Variants in TULP4 observed in about 807,000 individuals in gnomAD.
TULP4 encodes the protein TUB like protein 4.
TULP4 carries 16 observed loss-of-function variants against 129.0 expected under a neutral mutation model. The observed-to-expected ratio is 0.12, with a 90% CI of 0.08 to 0.19. The LOEUF (loss-of-function observed/expected upper bound fraction) is 0.19, where lower values mean the gene tolerates loss of function less well. Ranked by LOEUF, TULP4 falls within the 10% of genes least tolerant of loss-of-function variation. The pLI, the probability that TULP4 is intolerant of heterozygous loss-of-function variation, is 1.00. For missense variants in TULP4, 1,842 were observed against 2,059.1 expected, an observed-to-expected ratio of 0.89 and a Z score of 2.04; for synonymous variants, 998 against 854.0, an observed-to-expected ratio of 1.17 and a Z score of -2.94.
In TULP4 at chr6:158,509,966, A is replaced by T. The variant is rs1188258927; in HGVS notation, c.*3272A>T. On this transcript the variant is annotated 3_prime_UTR_variant, in exon 14 of 14. Transcript: ENST00000367097. ...TTTAATGTTTATTAATAGTTTATGA[A>T]TATCAAGATACCTCATTGAATCCCT... is the stretch of plus-strand genomic sequence containing the variant. The T allele has an allele frequency of 6.6e-6, 1 of 152,298 alleles. No homozygotes were observed. The highest frequency in any genetic ancestry group is 1.5e-5 in the Non-Finnish European group (1 of 68,042). The allele number at this position is 152,298 out of a possible 1,614,324, so 9.4% of individuals were successfully genotyped here.
In TULP4 at chr6:158,503,763, A is replaced by G; in HGVS notation, c.4100A>G (p.Asp1367Gly). 2 of 1,614,138 alleles carry G rather than the reference A, an allele frequency of 1.2e-6. No homozygotes were observed. The highest frequency in any genetic ancestry group is 1.7e-6 in the Non-Finnish European group (2 of 1,180,036). ...AAGAAGGAGGCTAGGACTTTGAGTG[A>G]CTTTAATTCCCTAATCTCCAGCCCA... ...KVKKEARTLS[D>G]FNSLISSPHL... is the part of the protein sequence containing the mutation. The change falls in exon 13 of 14, where the codon GAC becomes GGC. Residue 1367 changes from aspartate (D) to glycine (G), a missense_variant. Around this residue, in one of 5 missense-constraint regions of TULP4, gnomAD observed 1,089 missense variants for 987.1 expected, o/e 1.10. Coordinates refer to ENST00000367097, the MANE Select transcript of TULP4 (RefSeq NM_020245.5). The surrounding 1 kb of genome is among the most constrained non-coding windows in gnomAD (Gnocchi z 4.3).
At chr6:158,407,114 T>C (rs1400042530) in intron 1 of TULP4, among the ~76,000 whole-genome samples, 1 of 152,372 alleles carries the variant, frequency 6.6e-6, no homozygotes, top group South Asian at 2.1e-4. Context: ...AATTTGGCTA[T>C]CTGAAAGTAA....
intron 1 of TULP4, among the ~76,000 whole-genome samples, chr6:158,377,885 T>G (rs1404196101): frequency 6.6e-6 from 1 of 152,234 alleles, no homozygotes; most frequent in East Asian, 1.9e-4. Flanking sequence ...AACTGTTTAT[T>G]TAGCTCAGGA....
At position 158,511,161 on chromosome 6, in the gene TULP4, T is replaced by G. The variant is rs1232064129; in HGVS notation, c.*4467T>G. On this transcript the variant is annotated 3_prime_UTR_variant, in exon 14 of 14. Transcript: ENST00000367097. ...CTTTACTTGTACCTATATTTTCTGT[T>G]TACAGTTCTTTTTAAGGGGAGGGGT... 1 of 152,672 alleles carries G rather than the reference T, an allele frequency of 6.5e-6. No individual in the cohort carries two copies. Among genetic ancestry groups the G allele is most frequent in the African/African-American group, 2.4e-5 (1 of 41,470 alleles). 9.5% of individuals were successfully genotyped at this position (152,672 alleles called of 1,614,324 possible).
Position 158,504,045 on chromosome 6 carries a change from A to C in TULP4, c.4382A>C (p.Gln1461Pro). ...AAGGAGGACGGGCGGCTGGGCAGCCAAGGCTTCGTGTACGTGATGGCCAAC... is the reference window on the plus strand; with the variant it reads ...AAGGAGGACGGGCGGCTGGGCAGCCCAGGCTTCGTGTACGTGATGGCCAAC... The part of the protein sequence containing the change: ...SEKEDGRLGS[Q>P]GFVYVMANKQ... The change falls in exon 13 of 14, where the codon CAA (glutamine) becomes CCA (proline). Residue 1461 changes from glutamine to proline, a missense_variant. This residue lies in a region of TULP4 where 1,089 missense variants were observed against 987.1 expected (regional missense o/e 1.10). Coordinates refer to ENST00000367097, the MANE Select transcript of TULP4 (RefSeq NM_020245.5). 6.2e-7 allele frequency: 1 copy of C among 1,610,042 alleles called. No homozygotes were observed. Among genetic ancestry groups the C allele is most frequent in the Admixed American group, 1.7e-5 (1 of 59,224 alleles).
At chr6:158,500,889 A>AC (rs1780430661) in intron 12 of TULP4, among the ~76,000 whole-genome samples, 2 of 152,120 alleles carry the variant, frequency 1.3e-5, no homozygotes, top group Non-Finnish European at 2.9e-5. Context: ...ACATGGCAAA[A>AC]CCCCATATCT....
At chr6:158,468,040 A>T (rs1779592787) in intron 6 of TULP4, among the ~76,000 whole-genome samples, 1 of 152,230 alleles carries the variant, frequency 6.6e-6, no homozygotes, top group Non-Finnish European at 1.5e-5. Context: ...ACTGACACAC[A>T]GATACTCTGC....
chr6:158,407,019 TCA>T (rs1777989891), intron 1 of TULP4, among the ~76,000 whole-genome samples: 1 of 152,236 alleles, frequency 6.6e-6, no homozygotes, highest in African/African-American at 2.4e-5. Context: ...GCCATTTCAT[TCA>T]CAGATTCTTG....
chr6:158,346,932 T>C (rs916071541), intron 1 of TULP4, among the ~76,000 whole-genome samples: 1 of 152,188 alleles, frequency 6.6e-6, no homozygotes, highest in Non-Finnish European at 1.5e-5. Flanking sequence ...GATGTGACCA[T>C]AGCTGCAGCA....
intron 2 of TULP4, among the ~76,000 whole-genome samples, chr6:158,423,566 T>C (rs975896207): frequency 5.3e-5 from 8 of 152,278 alleles, no homozygotes; most frequent in African/African-American, 1.9e-4. Flanking sequence ...TATACAGTTA[T>C]TATGGGCCAA....
intron 5 of TULP4, among the ~76,000 whole-genome samples, chr6:158,460,400 C>T (rs1779397211): frequency 6.6e-6 from 1 of 151,794 alleles, no homozygotes; most frequent in African/African-American, 2.4e-5. Flanking sequence ...CACTTTAGTT[C>T]TAGATTTCAG....
intron 1 of TULP4, among the ~76,000 whole-genome samples, chr6:158,249,900 G>A (rs935377515): frequency 6.6e-6 from 1 of 152,174 alleles, no homozygotes; most frequent in African/African-American, 2.4e-5. Context: ...AGTGAGAATT[G>A]TATTTTATGT....
intron 1 of TULP4, among the ~76,000 whole-genome samples, chr6:158,369,867 A>G (rs1777034532): frequency 6.6e-6 from 1 of 152,104 alleles, no homozygotes; most frequent in South Asian, 2.1e-4. Flanking sequence ...TGACTTTTGT[A>G]CCATGTACAT....
At position 158,508,087 on chromosome 6, in the gene TULP4, C is replaced by G. The variant is rs1242872421; in HGVS notation, c.*1393C>G. Reference sequence around the variant, plus strand: ...AGAATATCTCTTCCCACTTCCTCGTCCTCGTGAGAACCTGTGGGCAGTATT... The same window carrying G: ...AGAATATCTCTTCCCACTTCCTCGTGCTCGTGAGAACCTGTGGGCAGTATT... On this transcript the variant is annotated 3_prime_UTR_variant, in exon 14 of 14. Coordinates refer to ENST00000367097, the MANE Select transcript of TULP4 (RefSeq NM_020245.5). 6.6e-6 allele frequency: 1 copy of G among 152,196 alleles called. No homozygotes were observed. Among genetic ancestry groups the G allele is most frequent in the Non-Finnish European group, 1.5e-5 (1 of 68,044 alleles). The allele number at this position is 152,196 out of a possible 1,614,324, so 9.4% of individuals were successfully genotyped here.
intron 1 of TULP4, among the ~76,000 whole-genome samples, chr6:158,297,752 C>T (rs1779058788): frequency 6.6e-6 from 1 of 152,168 alleles, no homozygotes; most frequent in South Asian, 2.1e-4. Context: ...AGGGCAAAAG[C>T]AGAACTACTG....
At chr6:158,418,656 C>T (rs527626416) in intron 2 of TULP4, among the ~76,000 whole-genome samples, 35 of 152,262 alleles carry the variant, frequency 2.3e-4, no homozygotes, top group African/African-American at 8.4e-4. Context: ...GTAGTCCCAG[C>T]TACTCGGAAG....
intron 8 of TULP4, among the ~76,000 whole-genome samples, chr6:158,487,369 G>T (rs1261715108): frequency 6.6e-6 from 1 of 152,186 alleles, no homozygotes; most frequent in Non-Finnish European, 1.5e-5. Flanking sequence ...GAATCCAGGA[G>T]GTGGAGGTTG....
intron 1 of TULP4, among the ~76,000 whole-genome samples, chr6:158,267,391 T>C (rs1778465198): frequency 6.6e-6 from 1 of 152,198 alleles, no homozygotes; most frequent in African/African-American, 2.4e-5. Context: ...ACACAGAAGA[T>C]GAAAGCAACT....
At chr6:158,384,673 TAGCC>T (rs933379564) in intron 1 of TULP4, among the ~76,000 whole-genome samples, 1 of 152,192 alleles carries the variant, frequency 6.6e-6, no homozygotes, top group African/African-American at 2.4e-5. Flanking sequence ...GACAGGTGAT[TAGCC>T]AGCTGTCTAA....
Sources: gnomAD v4.1 joint callset for allele counts (sites outside exome capture counted in the v4.1 genomes callset) on GRCh38, gnomAD v4.1.1 for gene constraint, gnomAD v4.1.1 regional missense constraint, Gnocchi (gnomAD v3.1) non-coding constraint, MANE v1.5 for transcripts, NCBI Gene and HGNC (gene_info 2026-07-23, HGNC 2026-07-21) for gene names.